The following RHOBTB2 variants were observed in gnomAD, a reference collection of about 807,000 sequenced individuals.
RHOBTB2 encodes rho-related BTB domain-containing protein 2.
In RHOBTB2, 39 loss-of-function variants were observed where a neutral mutation model predicts 66.5. The observed-to-expected ratio is 0.59, with a 90% CI of 0.45 to 0.77. The LOEUF (loss-of-function observed/expected upper bound fraction) is 0.77, where lower values mean the gene tolerates loss of function less well. RHOBTB2 is among the 30% of genes least tolerant of loss of function. The pLI is 0.00. For synonymous variants in RHOBTB2, 390 were observed against 395.0 expected, an observed-to-expected ratio of 0.99 and a Z score of 0.15; for missense variants, 755 against 999.1, an observed-to-expected ratio of 0.76 and a Z score of 3.29.
chr8:22,968,580 G>T, the RHOBTB2 span, among the ~76,000 whole-genome samples: 1 of 152,048 alleles, frequency 6.6e-6, no homozygotes, highest in South Asian at 2.1e-4. Context: ...GAAAGTTAAT[G>T]GAGTGTAGAG....
the RHOBTB2 span, among the ~76,000 whole-genome samples, chr8:22,975,922 C>T: frequency 1.3e-5 from 2 of 151,992 alleles, no homozygotes; most frequent in South Asian, 2.1e-4. Context: ...CCAATGCGGG[C>T]GGATCATGAG....
At chr8:23,015,781 C>T in intron 9 of RHOBTB2, 38 bp downstream of exon 9, 8 of 1,398,638 alleles carry the variant, frequency 5.7e-6, no homozygotes, top group Non-Finnish European at 8.1e-6. Flanking sequence ...ACCTGCTGCC[C>T]TCCCCTTAGG....
chr8:23,015,455 A>T (rs1811263475), intron 8 of RHOBTB2, among the ~76,000 whole-genome samples, 183 bp from the exon 9 acceptor site: 1 of 151,954 alleles, frequency 6.6e-6, no homozygotes, highest in South Asian at 2.1e-4. Flanking sequence ...GGTGCCAAGG[A>T]GCCTGAGGCA....
intron 1 of RHOBTB2, among the ~76,000 whole-genome samples, chr8:23,003,448 G>A (rs533119739): frequency 5.9e-5 from 9 of 152,320 alleles, no homozygotes; most frequent in South Asian, 4.1e-4. Flanking sequence ...CAATCCCATC[G>A]CCCATGTAGC....
chr8:22,964,536 C>G, the RHOBTB2 span, among the ~76,000 whole-genome samples: 2 of 152,084 alleles, frequency 1.3e-5, no homozygotes, highest in African/African-American at 2.4e-5. Flanking sequence ...GCTCCTATAC[C>G]AGTCCTCCTG....
At chr8:22,969,479 C>G in the RHOBTB2 span, among the ~76,000 whole-genome samples, 1 of 151,882 alleles carries the variant, frequency 6.6e-6, no homozygotes, top group African/African-American at 2.4e-5. Flanking sequence ...GTGTAAAGAC[C>G]GTGAACAAAT....
the RHOBTB2 span, among the ~76,000 whole-genome samples, chr8:22,960,193 C>A: frequency 1.0e-4 from 15 of 144,576 alleles, no homozygotes; most frequent in East Asian, 1.2e-3. Flanking sequence ...AAAAAAAAAA[C>A]AAAAAAACAA....
intron 1 of RHOBTB2, among the ~76,000 whole-genome samples, chr8:23,002,108 C>T (rs562245443): frequency 6.6e-6 from 1 of 152,324 alleles, no homozygotes; most frequent in East Asian, 1.9e-4. Flanking sequence ...CCTCCTCATT[C>T]CCCCGCTTCT....
intron 8 of RHOBTB2, 113 bp downstream of exon 8, chr8:23,014,891 G>A: frequency 1.2e-6 from 1 of 841,938 alleles, no homozygotes; most frequent in Non-Finnish European, 2.0e-6. Context: ...CCTGTCATCG[G>A]ACTGGGCTCT....
chr8:23,016,824 G>A (rs6557607), intron 9 of RHOBTB2, among the ~76,000 whole-genome samples: 7,696 of 152,202 alleles, frequency 0.051, 309 homozygotes, highest in South Asian at 0.18. Context: ...AAGGCCAGCC[G>A]TTCCTCTGGT....
rs188146287 is a variant in RHOBTB2 at position 22,992,645 on chromosome 8, C to A, written c.-24+465C>A. 2.0e-5 allele frequency among the ~76,000 whole-genome samples: 3 copies of A among 152,332 alleles called. No individual in the cohort carries two copies. In the East Asian group the frequency reaches 5.8e-4, roughly 29 times the overall value. ...TTCCAGGCCCTGTCCTGAGATATCA[C>A]CATCCCAGGGGACTTAGAGTGGATC... On this transcript the variant is annotated intron_variant, in intron 2 of 11. Coordinates refer to the RHOBTB2 transcript ENST00000519685.
the RHOBTB2 span, among the ~76,000 whole-genome samples, chr8:22,981,641 G>A: frequency 6.6e-6 from 1 of 152,208 alleles, no homozygotes; most frequent in African/African-American, 2.4e-5. Context: ...GAGGGCAGAG[G>A]TGGGAGGTGG....
At chr8:22,980,794 A>G in the RHOBTB2 span, among the ~76,000 whole-genome samples, 1 of 152,338 alleles carries the variant, frequency 6.6e-6, no homozygotes, top group Middle Eastern at 3.4e-3. Flanking sequence ...TTCTTCTAAC[A>G]ACTTTGTGTG....
chr8:22,997,212 G>T (rs563306881), upstream of RHOBTB2, among the ~76,000 whole-genome samples: 1 of 152,000 alleles, frequency 6.6e-6, no homozygotes, highest in African/African-American at 2.4e-5. Flanking sequence ...GGCTGCAGAG[G>T]ATGGGCTGGG....
intron 7 of RHOBTB2, among the ~76,000 whole-genome samples, chr8:23,011,161 A>G (rs2466234): frequency 0.88 from 133,507 of 152,228 alleles, 58,693 homozygotes; most frequent in East Asian, 0.96. Context: ...GGCTGAGGCA[A>G]GAGAATTGCT....
upstream of RHOBTB2, among the ~76,000 whole-genome samples, chr8:22,985,285 T>C (rs1810267648): frequency 6.6e-6 from 1 of 152,252 alleles, no homozygotes; most frequent in Non-Finnish European, 1.5e-5. Context: ...GAAGCAGATG[T>C]TCAGGGTGAA....
chr8:23,000,705 G>A (rs768357221), intron 1 of RHOBTB2, among the ~76,000 whole-genome samples: 6 of 152,180 alleles, frequency 3.9e-5, no homozygotes, highest in South Asian at 2.1e-4. Context: ...TGCAATGCCA[G>A]CGACCCCCGT....
chr8:22,968,309 T>C, the RHOBTB2 span, among the ~76,000 whole-genome samples: 16 of 152,248 alleles, frequency 1.1e-4, 2 homozygotes, highest in South Asian at 3.3e-3. Context: ...TATTAAATCA[T>C]AAATATATAT....
At chr8:23,005,278 G>A in intron 2 of RHOBTB2, 94 bp from the exon 3 acceptor site, 2 of 881,212 alleles carry the variant, frequency 2.3e-6, no homozygotes, top group East Asian at 2.5e-5. Context: ...GATGTCTGGG[G>A]CCCCCAGGTG....
Sources: gnomAD v4.1 joint callset for allele counts (sites outside exome capture counted in the v4.1 genomes callset) on GRCh38, gnomAD v4.1.1 for gene constraint, MANE v1.5 for transcripts, NCBI Gene and HGNC (gene_info 2026-07-23, HGNC 2026-07-21) for gene names.